The following SAMD12 variants were observed in gnomAD, a reference collection of about 807,000 sequenced individuals.
The protein encoded by SAMD12 is sterile alpha motif domain-containing protein 12.
Under a neutral mutation model 15.0 loss-of-function variants are expected in SAMD12, and 9 were observed. The observed-to-expected ratio is 0.60, with a 90% confidence interval of 0.36 to 1.05. The LOEUF (loss-of-function observed/expected upper bound fraction) is 1.05, where lower values mean the gene tolerates loss of function less well. Among genes scored for constraint, SAMD12 ranks in the 50% least tolerant of loss-of-function variants. SAMD12 has a pLI of 0.01. For missense variants in SAMD12, 230 were observed against 234.2 expected (o/e 0.98, Z 0.12); for synonymous variants, 86 against 90.1 (o/e 0.96, Z 0.25).
At chr8:118,380,483 T>A (rs1367943779) in intron 3 of SAMD12, among the ~76,000 whole-genome samples, 1 of 152,210 alleles carries the variant, frequency 6.6e-6, no homozygotes, top group African/African-American at 2.4e-5. Flanking sequence ...TTTCCCTGTA[T>A]ACTTCTCTTC....
intron 2 of SAMD12, among the ~76,000 whole-genome samples, chr8:118,571,158 G>C (rs952303646): frequency 1.3e-5 from 2 of 152,152 alleles, no homozygotes; most frequent in Non-Finnish European, 2.9e-5. Flanking sequence ...ATTGGTACTA[G>C]GAGTGGGGCG....
chr8:118,197,558 A>G (rs1819600310), exon 5 of SAMD12: 3 of 766,940 alleles, frequency 3.9e-6, no homozygotes, highest in Non-Finnish European at 7.0e-6. Context: ...AACCCATAAT[A>G]TTGACTGAAT....
chr8:118,604,834 A>C lies in SAMD12; in HGVS notation c.13+16970T>G, dbSNP rs183571747. ...CTACTGGGGAGGCTGAGGCAGGAGA[A>C]TGGCATGAACCCGGGGGACGGAGCT... is the stretch of plus-strand genomic sequence containing the variant. On this transcript the variant is annotated intron_variant, in intron 1 of 3. Transcript: ENST00000314727. Among the ~76,000 whole-genome samples, 84 of 152,270 alleles carry C rather than the reference A, an allele frequency of 5.5e-4. 1 individual carries two copies. The East Asian group carries it at 0.016, about 29-fold the overall frequency.
intron 4 of SAMD12, among the ~76,000 whole-genome samples, chr8:118,290,952 A>G (rs530531907): frequency 6.6e-6 from 1 of 152,254 alleles, no homozygotes; most frequent in Non-Finnish European, 1.5e-5. Context: ...ATACTTGCAG[A>G]GAGAGCATTC....
chr8:118,547,207 C>CT (rs1016780327), intron 2 of SAMD12, among the ~76,000 whole-genome samples: 22 of 152,194 alleles, frequency 1.4e-4, no homozygotes, highest in African/African-American at 3.9e-4. Context: ...ACAGGCACGT[C>CT]TTTTTTAAAA....
intron 2 of SAMD12, among the ~76,000 whole-genome samples, chr8:118,543,604 AT>A (rs146363162): frequency 2.1e-5 from 3 of 140,622 alleles, no homozygotes; most frequent in East Asian, 2.1e-4. Context: ...ACATTATGAG[AT>A]TTTTTTTTCT....
intron 2 of SAMD12, among the ~76,000 whole-genome samples, chr8:118,471,984 C>T (rs1319775237): frequency 2.0e-5 from 3 of 152,176 alleles, no homozygotes; most frequent in Non-Finnish European, 2.9e-5. Flanking sequence ...TCAATTTCCT[C>T]ATCTGTAAAA....
chr8:118,165,087 T>G, the SAMD12 span, among the ~76,000 whole-genome samples: 103 of 151,926 alleles, frequency 6.8e-4, 1 homozygote, highest in Middle Eastern at 3.4e-3. Context: ...TGTCTGGAGA[T>G]AGCATTAGAT....
At chr8:118,604,060 A>G (rs765720275) in intron 1 of SAMD12, among the ~76,000 whole-genome samples, 10 of 152,234 alleles carry the variant, frequency 6.6e-5, no homozygotes, top group Non-Finnish European at 1.2e-4. Flanking sequence ...AGTACTTCAT[A>G]CATTTAGCCA....
Position 118,308,423 on chromosome 8 carries a change from C to T in SAMD12, c.433+71137G>A, listed in dbSNP as rs140612564. Among the ~76,000 whole-genome samples, 288 of 152,278 alleles carry T rather than the reference C, an allele frequency of 1.9e-3. 2 individuals are homozygous for T. Among genetic ancestry groups the T allele is most frequent in the African/African-American group, 6.4e-3 (267 of 41,558 alleles). ...AAATGATCTTATTTAATTTCCACAA[C>T]TACCCTATGCATTAGGCACTGCTTC... is the stretch of plus-strand genomic sequence containing the variant. On this transcript the variant is annotated intron_variant, in intron 4 of 4. Transcript: ENST00000409003.
chr8:118,526,376 G>A (rs1825536771), intron 2 of SAMD12, among the ~76,000 whole-genome samples: 1 of 151,980 alleles, frequency 6.6e-6, no homozygotes, highest in Admixed American at 6.6e-5. Flanking sequence ...CCCCAACCTT[G>A]CTACCGATCA....
At chr8:118,357,324 G>C (rs1471772470) in intron 4 of SAMD12, among the ~76,000 whole-genome samples, 2 of 152,134 alleles carry the variant, frequency 1.3e-5, no homozygotes, top group Non-Finnish European at 2.9e-5. Flanking sequence ...TGCAACCTCT[G>C]CCTCTTGGGC....
intron 4 of SAMD12, among the ~76,000 whole-genome samples, chr8:118,324,389 T>A (rs1198081118): frequency 6.6e-6 from 1 of 152,202 alleles, no homozygotes; most frequent in Non-Finnish European, 1.5e-5. Context: ...TTCTGCTTTC[T>A]ATTTAACAGC....
At chr8:118,539,342 G>T (rs1472020271) in intron 2 of SAMD12, among the ~76,000 whole-genome samples, 1 of 152,180 alleles carries the variant, frequency 6.6e-6, no homozygotes, top group Non-Finnish European at 1.5e-5. Context: ...CTCTTGGCTG[G>T]CATAGAACAT....
chr8:118,247,783 G>A (rs960715788), intron 4 of SAMD12, among the ~76,000 whole-genome samples: 1 of 151,978 alleles, frequency 6.6e-6, no homozygotes, highest in Non-Finnish European at 1.5e-5. Flanking sequence ...AGTAGAGACA[G>A]GGTTTCACCA....
At chr8:118,145,997 C>T in the SAMD12 span, among the ~76,000 whole-genome samples, 4 of 152,186 alleles carry the variant, frequency 2.6e-5, no homozygotes, top group Admixed American at 2.0e-4. Flanking sequence ...AGCGATGCAA[C>T]CCCATGGCTG....
chr8:118,404,067 C>T (rs943974724), intron 3 of SAMD12, among the ~76,000 whole-genome samples: 1 of 152,162 alleles, frequency 6.6e-6, no homozygotes, highest in Non-Finnish European at 1.5e-5. Context: ...ACTGCAGCCT[C>T]GACCTGCGGG....
chr8:118,183,711 T>C, the SAMD12 span, among the ~76,000 whole-genome samples: 7,716 of 152,150 alleles, frequency 0.051, 377 homozygotes, highest in African/African-American at 0.12. Flanking sequence ...GGGGTACAAG[T>C]GGTTTTTGGC....
chr8:118,147,541 T>C, the SAMD12 span, among the ~76,000 whole-genome samples: 1 of 151,832 alleles, frequency 6.6e-6, no homozygotes, highest in Non-Finnish European at 1.5e-5. Context: ...TTTGTCTCTT[T>C]AGTAGAGATG....
Sources: gnomAD v4.1 joint callset for allele counts (sites outside exome capture counted in the v4.1 genomes callset) on GRCh38, gnomAD v4.1.1 for gene constraint, MANE v1.5 for transcripts, NCBI Gene and HGNC (gene_info 2026-07-23, HGNC 2026-07-21) for gene names.